RFWD3: variants seen among roughly 807,000 people sequenced by gnomAD.
The protein encoded by RFWD3 is ring finger and WD repeat domain 3, also known as E3 ubiquitin-protein ligase RFWD3.
RFWD3 carries 65 observed loss-of-function variants against 87.7 expected under a neutral mutation model. The ratio of observed to expected loss-of-function variants is 0.74; its 90% CI spans 0.61 to 0.91. The LOEUF (loss-of-function observed/expected upper bound fraction) is 0.91, where lower values mean the gene tolerates loss of function less well. Among genes scored for constraint, RFWD3 ranks in the 40% least tolerant of loss-of-function variants. The probability of loss-of-function intolerance (pLI) is 0.00; values close to 1 mark genes in which losing one functional copy is unlikely to be tolerated. For missense variants in RFWD3, 1,078 were observed against 938.5 expected (o/e 1.15, Z -1.94); for synonymous variants, 433 against 352.8 (o/e 1.23, Z -2.55).
In RFWD3 at chr16:74,644,679, T is replaced by A; in HGVS notation, c.849A>T (p.Glu283Asp). The part of the protein sequence containing the change: ...LLPSASMDEE[E>D]GDTCTICLEQ... ...CCAGACATATTGTACAAGTGTCCCCTTCTTCCTCATCCATAGAAGCAGAAG... is the reference window on the plus strand; with the variant it reads ...CCAGACATATTGTACAAGTGTCCCCATCTTCCTCATCCATAGAAGCAGAAG... Residue 283 changes from glutamate to aspartate, a missense_variant, in exon 5 of 13, where the codon GAA becomes GAT. By Grantham distance (45) the Glu-to-Asp change is conservative. Coordinates refer to ENST00000361070, the MANE Select transcript of RFWD3 (RefSeq NM_018124.4). The A allele has an allele frequency of 6.2e-7, 1 of 1,614,216 alleles. No individual in the cohort carries two copies. The highest frequency in any genetic ancestry group is 8.5e-7 in the Non-Finnish European group (1 of 1,180,036).
rs761042662 is a variant in RFWD3, at chr16:74,636,310, T to A, written c.1426+36A>T. ...AAGGAAATAAATATATGGAGTCTAA[T>A]AAAGAACATGAAAGCTGAGGTTCTA... On this transcript the variant is annotated intron_variant, in intron 8 of 12. Transcript: ENST00000361070. 4.5e-6 allele frequency: 7 copies of A among 1,569,204 alleles called. No homozygotes were observed. In the Middle Eastern group the frequency reaches 6.8e-4, roughly 152 times the overall value.
chr16:74,661,285 T>G lies in RFWD3; in HGVS notation c.165A>C (p.Pro55=), dbSNP rs1774056257. 1.9e-6 allele frequency: 3 copies of G among 1,613,988 alleles called. No individual in the cohort carries two copies. The highest frequency in any genetic ancestry group is 2.2e-5 in the South Asian group (2 of 91,086). ...GGCTGCTGATCACCTCAGCAGGAGC[T>G]GGCTGGAGGATGGATGGTACCCCCT... ...SSQGVPSILQ[P]APAEVISSQA... Residue 55 remains proline, a synonymous_variant, in exon 2 of 13, where the codon CCA becomes CCC. Transcript: ENST00000361070.
At chr16:74,644,862 G>A in intron 4 of RFWD3, 127 bp from the exon 5 acceptor site, 1 of 762,522 alleles carries the variant, frequency 1.3e-6, no homozygotes, top group Non-Finnish European at 2.1e-6. Flanking sequence ...CAGAACACTT[G>A]TAACACCTAT....
intron 7 of RFWD3, 30 bp downstream of exon 7, chr16:74,637,826 A>C (rs1959274303): frequency 6.6e-7 from 1 of 1,509,208 alleles, no homozygotes; most frequent in Non-Finnish European, 9.2e-7. Context: ...CTATTCCAAA[A>C]GTTCTTTGGA....
At chr16:74,630,590 A>G (rs1216511926) in intron 10 of RFWD3, among the ~76,000 whole-genome samples, 191 bp downstream of exon 10, 1 of 152,250 alleles carries the variant, frequency 6.6e-6, no homozygotes, top group African/African-American at 2.4e-5. Flanking sequence ...ACTCTCCATC[A>G]TATGAAATAG....
At chr16:74,625,199 C>CAAAAAAAAAAA (rs61114405) in intron 12 of RFWD3, among the ~76,000 whole-genome samples, 1 of 121,852 alleles carries the variant, frequency 8.2e-6, no homozygotes. Flanking sequence ...GACCCTGTCT[C>CAAAAAAAAAAA]AAAAAAAAAA....
rs943037767 is a variant in RFWD3, at chr16:74,635,444, G to A, written c.1426+902C>T. 2.6e-4 allele frequency among the ~76,000 whole-genome samples: 39 copies of A among 149,950 alleles called. 1 individual carries two copies. Among genetic ancestry groups the A allele is most frequent in the African/African-American group, 8.4e-4 (34 of 40,368 alleles). ...ATCAGGCCACTGCACTCCAGCCTGC[G>A]CAAAAGAGTGAGACTCCATCTCAAA... On this transcript the variant is annotated intron_variant, in intron 8 of 12. Transcript: ENST00000361070.
Position 74,632,605 on chromosome 16 carries a change from G to T in RFWD3, c.1495C>A (p.Gln499Lys), listed in dbSNP as rs936212251. 3.7e-6 allele frequency: 6 copies of T among 1,614,142 alleles called. No individual in the cohort carries two copies. Among genetic ancestry groups the T allele is most frequent in the Non-Finnish European group, 5.1e-6 (6 of 1,180,024 alleles). Reference sequence around the variant, plus strand: ...CTGCTAAACGCCAGTCCACGGATCTGTTTGCCATGCATCGGAATGTACTGA... The same window carrying T: ...CTGCTAAACGCCAGTCCACGGATCTTTTTGCCATGCATCGGAATGTACTGA... ...SSQYIPMHGK[Q>K]IRGLAFSSYL... Residue 499 changes from glutamine (Q) to lysine (K), a missense_variant, in exon 9 of 13, where the codon CAG becomes AAG. Gln to Lys is a moderately conservative substitution (Grantham distance 53, BLOSUM62 1). Coordinates refer to ENST00000361070, the MANE Select transcript of RFWD3 (RefSeq NM_018124.4).
At chr16:74,641,911 G>T in intron 6 of RFWD3, among the ~76,000 whole-genome samples, 1 of 51,042 alleles carries the variant, frequency 2.0e-5, no homozygotes, top group Non-Finnish European at 3.4e-5. Context: ...TGGGCAACAA[G>T]AGCAAAACTC....
intron 8 of RFWD3, among the ~76,000 whole-genome samples, chr16:74,635,744 G>A (rs1397895107): frequency 6.6e-6 from 1 of 152,134 alleles, no homozygotes; most frequent in Admixed American, 6.5e-5. Context: ...CTTGCAGTTG[G>A]CAGAAATCTT....
intron 10 of RFWD3, among the ~76,000 whole-genome samples, chr16:74,628,955 A>G (rs578171875): frequency 2.0e-4 from 31 of 152,294 alleles, no homozygotes; most frequent in African/African-American, 6.7e-4. Context: ...ATGAAGCTTG[A>G]CTGATGTGAA....
chr16:74,663,717 A>G (rs1961649997), intron 1 of RFWD3, among the ~76,000 whole-genome samples: 1 of 152,192 alleles, frequency 6.6e-6, no homozygotes, highest in South Asian at 2.1e-4. Flanking sequence ...CCAGTTTTTT[A>G]AGGCCATAAA....
At chr16:74,651,811 T>G (rs1370220675) in intron 3 of RFWD3, 109 bp downstream of exon 3, 3 of 934,462 alleles carry the variant, frequency 3.2e-6, no homozygotes, top group Non-Finnish European at 5.0e-6. Context: ...CCACAACATT[T>G]AGGGGAGAAA....
At chr16:74,657,216 T>C (rs923618373) in intron 2 of RFWD3, among the ~76,000 whole-genome samples, 3 of 152,188 alleles carry the variant, frequency 2.0e-5, no homozygotes, top group Non-Finnish European at 2.9e-5. Flanking sequence ...GTTTTTACTA[T>C]GATTACAGGC....
At chr16:74,653,234 G>A (rs1255644964) in intron 2 of RFWD3, among the ~76,000 whole-genome samples, 1 of 152,152 alleles carries the variant, frequency 6.6e-6, no homozygotes, top group South Asian at 2.1e-4. Context: ...AGCTACTTGG[G>A]AGGCCAAGGT....
chr16:74,630,925 T>A lies in RFWD3; in HGVS notation c.1610A>T (p.Asn537Ile). ...ACAGCTCCAGACAGGACGTCCAGCA[T>A]TATAAGTCTGGACCACGGTATTTGT... ...LETNTVVQTY[N>I]AGRPVWSCCW... The change falls in exon 10 of 13, where the codon AAT becomes ATT. Residue 537 changes from asparagine to isoleucine, a missense_variant. Coordinates refer to ENST00000361070, the MANE Select transcript of RFWD3 (RefSeq NM_018124.4). 11 of 1,613,948 alleles carry A rather than the reference T, an allele frequency of 6.8e-6. No homozygotes were observed. The highest frequency in any genetic ancestry group is 9.3e-6 in the Non-Finnish European group (11 of 1,179,946).
intron 7 of RFWD3, among the ~76,000 whole-genome samples, chr16:74,636,957 C>G (rs1959211741): frequency 6.6e-6 from 1 of 151,912 alleles, no homozygotes; most frequent in African/African-American, 2.4e-5. Context: ...AGGTGATCCA[C>G]CCGCCTCGGC....
chr16:74,645,068 G>T (rs1195968451), intron 4 of RFWD3, among the ~76,000 whole-genome samples: 1 of 152,074 alleles, frequency 6.6e-6, no homozygotes, highest in African/African-American at 2.4e-5. Flanking sequence ...GAAAACAAAG[G>T]ATACAAATGC....
chr16:74,626,197 C>A lies in RFWD3; in HGVS notation c.2181+146G>T, dbSNP rs537976869. ...CATGGAAACCAAGCAATCTCACATACACACATATGCGGATATGTGGGATTA... is the reference window on the plus strand; with the variant it reads ...CATGGAAACCAAGCAATCTCACATAAACACATATGCGGATATGTGGGATTA... On this transcript the variant is annotated intron_variant, in intron 12 of 12. Transcript: ENST00000361070. 31 of 693,272 alleles carry A rather than the reference C, an allele frequency of 4.5e-5. No homozygotes were observed. In the Admixed American group the frequency reaches 5.5e-4, roughly 12 times the overall value. The allele number at this position is 693,272 out of a possible 1,614,324, so 42.9% of individuals were successfully genotyped here. A position where few individuals can be genotyped will look rare whatever the true frequency, so the allele number is the denominator to read the frequency against.
Sources: gnomAD v4.1 joint callset for allele counts (sites outside exome capture counted in the v4.1 genomes callset) on GRCh38, gnomAD v4.1.1 for gene constraint, MANE v1.5 for transcripts, NCBI Gene and HGNC (gene_info 2026-07-23, HGNC 2026-07-21) for gene names.